The following SLC28A3 variants were observed in gnomAD, a reference collection of about 807,000 sequenced individuals.
SLC28A3 encodes the protein solute carrier family 28 member 3.
In SLC28A3, 68 loss-of-function variants were observed where a neutral mutation model predicts 84.2. The ratio of observed to expected loss-of-function variants is 0.81; its 90% CI spans 0.66 to 0.99. The LOEUF is 0.99. SLC28A3 is among the 50% of genes least tolerant of loss of function. The pLI is 0.00. For missense variants in SLC28A3, 712 were observed against 841.5 expected (o/e 0.85, Z 1.90); for synonymous variants, 267 against 303.6 (o/e 0.88, Z 1.25).
chr9:84,335,900 T>C (rs1042372767), intron 1 of SLC28A3, among the ~76,000 whole-genome samples: 5 of 152,106 alleles, frequency 3.3e-5, no homozygotes, highest in Non-Finnish European at 7.4e-5. Flanking sequence ...CTGAATTTCA[T>C]TGTGGAGGGG....
intron 10 of SLC28A3, 111 bp downstream of exon 10, chr9:84,292,557 G>T: frequency 2.6e-6 from 2 of 771,070 alleles, no homozygotes; most frequent in Non-Finnish European, 2.0e-6. Context: ...TTCTTATTTT[G>T]ACACCATTTT....
In SLC28A3 at chr9:84,285,489, C is replaced by A; in HGVS notation, c.1503G>T (p.Trp501Cys). 2 of 1,614,158 alleles carry A rather than the reference C, an allele frequency of 1.2e-6. No homozygotes were observed. Among genetic ancestry groups the A allele is most frequent in the Non-Finnish European group, 1.7e-6 (2 of 1,180,026 alleles). Reference protein sequence around the residue: ...MPFSFMMGVEWQDSFMVARLI... With the variant: ...MPFSFMMGVECQDSFMVARLI... ...GTCTGGCAACCATAAAGCTGTCCTGCCATTCCACTCCCATCATGAAGGAAA... is the reference window on the plus strand; with the variant it reads ...GTCTGGCAACCATAAAGCTGTCCTGACATTCCACTCCCATCATGAAGGAAA... Residue 501 changes from tryptophan (W) to cysteine (C), a missense_variant, in exon 14 of 18, where the codon TGG becomes TGT. By Grantham distance (215) the Trp-to-Cys change is radical. Transcript: ENST00000376238.
chr9:84,336,478 T>C (rs1396811828), intron 1 of SLC28A3, among the ~76,000 whole-genome samples: 1 of 152,174 alleles, frequency 6.6e-6, no homozygotes, highest in Non-Finnish European at 1.5e-5. Flanking sequence ...CACTCCAGTC[T>C]GGGCGACAGG....
At chr9:84,334,961 T>C (rs547796077) in intron 1 of SLC28A3, among the ~76,000 whole-genome samples, 1 of 151,852 alleles carries the variant, frequency 6.6e-6, no homozygotes, top group East Asian at 2.0e-4. Flanking sequence ...CTGCTCTTTC[T>C]CTCCCTGTGG....
At chr9:84,301,349 CAAAAAAA>C (rs59917986) in intron 5 of SLC28A3, among the ~76,000 whole-genome samples, 1 of 44,716 alleles carries the variant, frequency 2.2e-5, no homozygotes. Flanking sequence ...GACTCTGTCT[CAAAAAAA>C]AAAAAAAAAA....
In SLC28A3 at chr9:84,299,650, C is replaced by T. The variant is rs1825549563; in HGVS notation, c.600G>A (p.Gln200=). ...TTATGAGCCCACCGAAGGACACCAG[C>T]TGCTGTTGACCCAATTTGGCAGTGT... ...AFDTAKLGQQ[Q]LVSFGGLIMY... Residue 200 remains glutamine (Q), a synonymous_variant, in exon 6 of 18, where the codon CAG becomes CAA. Transcript: ENST00000376238. 4.3e-6 allele frequency: 7 copies of T among 1,613,714 alleles called. No individual in the cohort carries two copies. The Admixed American group carries it at 1.2e-4, about 27-fold the overall frequency.
chr9:84,335,958 C>T lies in SLC28A3; in HGVS notation c.60+4616G>A, dbSNP rs79536055. 4.2e-3 allele frequency among the ~76,000 whole-genome samples: 638 copies of T among 152,046 alleles called. 10 individuals are homozygous for T. The highest frequency in any genetic ancestry group is 0.015 in the African/African-American group (618 of 41,472). ...TCCGTCCCAGTGTCTGCATCCACTG[C>T]CTTTAGCCTGGTTTGGATTATGACA... On this transcript the variant is annotated intron_variant, in intron 1 of 17. Transcript: ENST00000376238.
At chr9:84,336,483 G>A (rs1326140180) in intron 1 of SLC28A3, among the ~76,000 whole-genome samples, 5 of 152,104 alleles carry the variant, frequency 3.3e-5, no homozygotes, top group African/African-American at 9.7e-5. Flanking sequence ...CAGTCTGGGC[G>A]ACAGGGTGAG....
chr9:84,345,264 G>T (rs1447274018), upstream of SLC28A3, among the ~76,000 whole-genome samples: 2 of 151,274 alleles, frequency 1.3e-5, no homozygotes, highest in African/African-American at 4.9e-5. Context: ...AAGTGGAAGT[G>T]AGCAAGAGAA....
rs927141743 is a variant in SLC28A3, at chr9:84,297,936, T to G, written c.753A>C (p.Ile251=). The change falls in exon 7 of 18, where the codon ATA becomes ATC. Residue 251 remains isoleucine, a synonymous_variant. Coordinates refer to ENST00000376238, the MANE Select transcript of SLC28A3 (RefSeq NM_001199633.2). ...CTTGTCTGCCCAACCAATCAAAAGC[T>G]ATAAATCCAGGGTCAGTCCTTAGAA... The part of the protein sequence containing the change: ...LLILRTDPGF[I]AFDWLGRQVQ... The G allele has an allele frequency of 1.9e-6, 3 of 1,608,080 alleles. No individual in the cohort carries two copies. The highest frequency in any genetic ancestry group is 2.5e-6 in the Non-Finnish European group (3 of 1,178,884).
chr9:84,296,343 G>A (rs1001403472), intron 8 of SLC28A3, among the ~76,000 whole-genome samples: 3 of 152,154 alleles, frequency 2.0e-5, no homozygotes, highest in African/African-American at 7.2e-5. Flanking sequence ...TCTCCAGCCT[G>A]CCACTAAACT....
chr9:84,299,896 A>G (rs1212471273), intron 5 of SLC28A3, among the ~76,000 whole-genome samples, 171 bp from the exon 6 acceptor site: 1 of 151,994 alleles, frequency 6.6e-6, no homozygotes, highest in East Asian at 1.9e-4. Context: ...GGGTTCAAGC[A>G]ATTCTCCTGC....
At position 84,277,467 on chromosome 9, in the gene SLC28A3, C is replaced by G. The variant is rs538817372; in HGVS notation, c.*751G>C. 25 of 152,344 alleles carry G rather than the reference C, an allele frequency of 1.6e-4. No homozygotes were observed. The highest frequency in any genetic ancestry group is 3.4e-3 in the Middle Eastern group (1 of 294). The allele number at this position is 152,344 out of a possible 1,614,324, so 9.4% of individuals were successfully genotyped here. On this transcript the variant is annotated 3_prime_UTR_variant, in exon 18 of 18. Coordinates refer to ENST00000376238, the MANE Select transcript of SLC28A3 (RefSeq NM_001199633.2). The stretch of plus-strand genomic sequence containing the variant: ...TTCCCTCTTAAGACCAACATGCCCC[C>G]CTTAGAGGCTGCTCCTTTAGACTGG...
chr9:84,317,585 G>T (rs910746684), intron 1 of SLC28A3, among the ~76,000 whole-genome samples: 1 of 152,158 alleles, frequency 6.6e-6, no homozygotes, highest in African/African-American at 2.4e-5. Flanking sequence ...AGTTCTTGTG[G>T]TGGGGGTTTT....
intron 1 of SLC28A3, among the ~76,000 whole-genome samples, chr9:84,321,108 G>A (rs888189602): frequency 6.6e-6 from 1 of 152,138 alleles, no homozygotes. Context: ...CACTGTGTTT[G>A]AAGTTCTAAA....
intron 14 of SLC28A3, 131 bp downstream of exon 14, chr9:84,285,214 A>C: frequency 1.2e-6 from 1 of 820,156 alleles, no homozygotes; most frequent in East Asian, 2.7e-5. Context: ...TGAGCAATGG[A>C]TTTTAGGTTG....
chr9:84,280,848 C>G lies in SLC28A3; in HGVS notation c.1682G>C (p.Cys561Ser), dbSNP rs746703852. Reference sequence around the variant, plus strand: ...TAGGGACCCGATATTGGCAAAACCACAGAGAGCGTAAGTGGCGATTATCTC... The same window carrying G: ...TAGGGACCCGATATTGGCAAAACCAGAGAGAGCGTAAGTGGCGATTATCTC... ...RSEIIATYALCGFANIGSLGI... is the reference protein window; with the variant it reads ...RSEIIATYALSGFANIGSLGI... The change falls in exon 15 of 18, where the codon TGT (cysteine) becomes TCT (serine). Residue 561 changes from cysteine (C) to serine (S), a missense_variant. Cys to Ser is a moderately radical substitution (Grantham distance 112, BLOSUM62 -1). Transcript: ENST00000376238. 1.2e-6 allele frequency: 2 copies of G among 1,614,014 alleles called. No homozygotes were observed. Among genetic ancestry groups the G allele is most frequent in the African/African-American group, 2.7e-5 (2 of 74,904 alleles).
chr9:84,310,330 A>G, intron 2 of SLC28A3: 1 of 906,532 alleles, frequency 1.1e-6, no homozygotes, highest in Non-Finnish European at 1.3e-6. Flanking sequence ...CCATTTTTTC[A>G]TGGACAATCT....
intron 2 of SLC28A3, chr9:84,310,622 T>A: frequency 1.0e-6 from 1 of 981,422 alleles, no homozygotes; most frequent in South Asian, 4.7e-5. Context: ...ATCATTAGTG[T>A]GTGTCTGAGA....
Sources: gnomAD v4.1 joint callset for allele counts (sites outside exome capture counted in the v4.1 genomes callset) on GRCh38, gnomAD v4.1.1 for gene constraint, MANE v1.5 for transcripts, NCBI Gene and HGNC (gene_info 2026-07-23, HGNC 2026-07-21) for gene names.